MGAM: variants seen among roughly 807,000 people sequenced by gnomAD.
The protein encoded by MGAM is alpha-1,4-glucosidase.
MGAM carries 253 observed loss-of-function variants against 358.8 expected under a neutral mutation model. The ratio of observed to expected loss-of-function variants is 0.71; its 90% CI spans 0.64 to 0.78. The LOEUF is 0.78. Among genes scored for constraint, MGAM ranks in the 30% least tolerant of loss-of-function variants. The pLI, the probability that MGAM is intolerant of heterozygous loss-of-function variation, is 0.00. For synonymous variants in MGAM, 1,105 were observed against 1,227.1 expected, an observed-to-expected ratio of 0.90 and a Z score of 2.08; for missense variants, 3,080 against 3,432.6, an observed-to-expected ratio of 0.90 and a Z score of 2.57.
At chr7:142,003,721 G>C (rs1035166961) in intron 1 of MGAM, among the ~76,000 whole-genome samples, 1 of 151,810 alleles carries the variant, frequency 6.6e-6, no homozygotes, top group Non-Finnish European at 1.5e-5. Context: ...AAACTAAAAA[G>C]CTTCTGCACA....
In MGAM at chr7:142,059,895, G is replaced by C; in HGVS notation, c.3988G>C (p.Ala1330Pro). ...TGGCAATGAGACACAGCCTTATCCTGCCTTCACTCGGGGCGTGGAGGATGA... is the reference window on the plus strand; with the variant it reads ...TGGCAATGAGACACAGCCTTATCCTCCCTTCACTCGGGGCGTGGAGGATGA... ...ISGNETQPYPAFTRGVEDDVF... is the reference protein window; with the variant it reads ...ISGNETQPYPPFTRGVEDDVF... Residue 1330 changes from alanine to proline, a missense_variant, in exon 33 of 71, where the codon GCC becomes CCC. By Grantham distance (27) the Ala-to-Pro change is conservative. Around this residue, in one of 5 missense-constraint regions of MGAM, gnomAD observed 1,816 missense variants for 1,840.5 expected, o/e 0.99. Transcript: ENST00000475668. 5 of 1,611,336 alleles carry C rather than the reference G, an allele frequency of 3.1e-6. No homozygotes were observed. Among genetic ancestry groups the C allele is most frequent in the Non-Finnish European group, 4.2e-6 (5 of 1,178,820 alleles).
intron 64 of MGAM, chr7:142,095,976 A>G (rs1815870234): frequency 3.2e-6 from 2 of 623,716 alleles, no homozygotes; most frequent in Non-Finnish European, 5.5e-6. Context: ...GCAAAGGCCT[A>G]TCTATCTTTT....
In MGAM at chr7:142,086,906, T is replaced by G. The variant is rs1470898909; in HGVS notation, c.6810+189T>G. On this transcript the variant is annotated intron_variant, in intron 57 of 70. Transcript: ENST00000475668. ...AGTCATACTTTACTGGCCACTGGGA[T>G]GTAGACATGTATTATTATCCTTGGG... 3.0e-5 allele frequency among the ~76,000 whole-genome samples: 3 copies of G among 99,226 alleles called. 1 individual carries two copies. Among genetic ancestry groups the G allele is most frequent in the Non-Finnish European group, 6.6e-5 (3 of 45,222 alleles). 65.1% of individuals were successfully genotyped at this position (99,226 alleles called of 152,430 possible). A position where few individuals can be genotyped will look rare whatever the true frequency, so the allele number is the denominator to read the frequency against.
chr7:141,988,298 A>G (rs1291341958), intron 2 of MGAM, among the ~76,000 whole-genome samples: 6 of 152,158 alleles, frequency 3.9e-5, no homozygotes, highest in African/African-American at 1.4e-4. Context: ...TCTGTCTTAA[A>G]AAAAAACAAA....
intron 3 of MGAM, among the ~76,000 whole-genome samples, chr7:142,014,874 A>G (rs1805849240): frequency 6.6e-6 from 1 of 152,146 alleles, no homozygotes; most frequent in African/African-American, 2.4e-5. Flanking sequence ...ATCATTCTAC[A>G]GTAAAAAAAG....
In MGAM at chr7:142,088,988, GTATGTATGTATCTATC is replaced by G. The variant is rs1408462680; in HGVS notation, c.6810+2275_6810+2290del. ...TCTATGTATGTATGTATGTATGTAT[GTATGTATGTATCTATC>G]TATCTATCTATCTATCTATCTATCT... On this transcript the variant is annotated intron_variant, in intron 57 of 70. Coordinates refer to ENST00000475668, the MANE Select transcript of MGAM (RefSeq NM_001365693.1). Among the ~76,000 whole-genome samples the G allele has an allele frequency of 5.1e-4, 46 of 90,936 alleles. 5 individuals carry two copies. Among genetic ancestry groups the G allele is most frequent in the Non-Finnish European group, 8.1e-4 (33 of 40,514 alleles). The allele number at this position is 90,936 out of a possible 152,430, so 59.7% of individuals were successfully genotyped here. A position where few individuals can be genotyped will look rare whatever the true frequency, so the allele number is the denominator to read the frequency against.
intron 21 of MGAM, among the ~76,000 whole-genome samples, chr7:142,046,096 A>T (rs944303301): frequency 1.8e-4 from 26 of 141,554 alleles, no homozygotes; most frequent in Non-Finnish European, 3.0e-4. Flanking sequence ...ATGTGTAATT[A>T]TATATTTATT....
chr7:142,010,647 G>A (rs1490743304), intron 3 of MGAM, among the ~76,000 whole-genome samples: 2 of 152,010 alleles, frequency 1.3e-5, no homozygotes, highest in Admixed American at 6.6e-5. Context: ...TTACATGTGG[G>A]ATTAGAATTT....
intron 53 of MGAM, 49 bp from the exon 54 acceptor site, chr7:142,084,469 CA>C: frequency 6.6e-7 from 1 of 1,523,662 alleles, no homozygotes; most frequent in Non-Finnish European, 9.0e-7. Flanking sequence ...TGTAAAACTT[CA>C]ATCTGGTGTC....
At position 142,074,932 on chromosome 7, in the gene MGAM, G is replaced by A. The variant is rs996566556; in HGVS notation, c.5275+759G>A. Among the ~76,000 whole-genome samples the A allele has an allele frequency of 6.6e-4, 97 of 146,412 alleles. 4 individuals are homozygous for A. Among genetic ancestry groups the A allele is most frequent in the African/African-American group, 2.3e-3 (96 of 41,254 alleles). ...GAACACATCCATCACTACCAATGCT[G>A]CAGACTGGATCCCCAGAACTTATTC... On this transcript the variant is annotated intron_variant, in intron 45 of 70. Coordinates refer to ENST00000475668, the MANE Select transcript of MGAM (RefSeq NM_001365693.1).
chr7:142,092,590 C>G lies in MGAM; in HGVS notation c.7015C>G (p.His2339Asp). The G allele has an allele frequency of 6.5e-7, 1 of 1,543,182 alleles. No individual in the cohort carries two copies. Among genetic ancestry groups the G allele is most frequent in the Non-Finnish European group, 8.9e-7 (1 of 1,125,528 alleles). ...AGGCTGCAGGGATGCCTCTCTGAAC[C>G]ACCCTCCCTACATGCCGTGTAAGAA... ...SPGCRDASLN[H>D]PPYMPYLESR... The change falls in exon 59 of 71, where the codon CAC becomes GAC. Residue 2339 changes from histidine (H) to aspartate (D), a missense_variant. Around this residue, in one of 5 missense-constraint regions of MGAM, gnomAD observed 932 missense variants for 1,198.2 expected, o/e 0.78. Coordinates refer to ENST00000475668, the MANE Select transcript of MGAM (RefSeq NM_001365693.1).
intron 34 of MGAM, among the ~76,000 whole-genome samples, chr7:142,061,328 C>A (rs1812179772): frequency 6.6e-6 from 1 of 152,108 alleles, no homozygotes; most frequent in Admixed American, 6.5e-5. Flanking sequence ...TCTAACCCTG[C>A]CTGATCTGGA....
At chr7:142,077,809 A>G in intron 47 of MGAM, among the ~76,000 whole-genome samples, 1 of 145,762 alleles carries the variant, frequency 6.9e-6, no homozygotes, top group Admixed American at 6.9e-5. Context: ...AAAAGAAATC[A>G]TTTGTCCAAT....
At position 141,995,892 on chromosome 7, in the gene MGAM, C is replaced by T. The variant is rs1804182251; in HGVS notation, c.-41C>T. 6.6e-6 allele frequency: 1 copy of T among 152,220 alleles called. No homozygotes were observed. Among genetic ancestry groups the T allele is most frequent in the African/African-American group, 2.4e-5 (1 of 41,430 alleles). The allele number at this position is 152,220 out of a possible 1,614,324, so 9.4% of individuals were successfully genotyped here. The stretch of plus-strand genomic sequence containing the variant: ...TCCTCTGCTTTTATTGCTAAGCCAT[C>T]CTTCAGACAGAGAGGGAGCGGCTGC... On this transcript the variant is annotated 5_prime_UTR_variant, in exon 1 of 71. Coordinates refer to ENST00000475668, the MANE Select transcript of MGAM (RefSeq NM_001365693.1).
At chr7:142,062,505 A>G in intron 34 of MGAM, 63 bp from the exon 35 acceptor site, 1 of 1,529,592 alleles carries the variant, frequency 6.5e-7, no homozygotes, top group African/African-American at 1.4e-5. Flanking sequence ...CATTCTCAGT[A>G]AGTGCCTGTT....
At chr7:142,034,566 G>C (rs1456349159) in intron 15 of MGAM, 104 bp from the exon 16 acceptor site, 2 of 1,110,280 alleles carry the variant, frequency 1.8e-6, no homozygotes, top group East Asian at 2.5e-5. Context: ...AGTTGGAAGA[G>C]AATGGGTTAT....
chr7:142,075,925 C>T (rs6464459), intron 45 of MGAM, among the ~76,000 whole-genome samples: 64,383 of 144,810 alleles, frequency 0.44, 18,354 homozygotes, highest in Middle Eastern at 0.61. Context: ...CATGAATTCC[C>T]ACTTCTGGGT....
intron 66 of MGAM, 125 bp from the exon 67 acceptor site, chr7:142,099,488 G>C: frequency 1.4e-6 from 2 of 1,445,324 alleles, no homozygotes; most frequent in Non-Finnish European, 1.9e-6. Flanking sequence ...GTAATGGCAG[G>C]TATGTTGCAA....
chr7:142,040,096 T>C lies in MGAM; in HGVS notation c.2317-19T>C. On this transcript the variant is annotated intron_variant, in intron 19 of 70. Transcript: ENST00000475668. Reference sequence around the variant, plus strand: ...CCATTTTATTTCCCTCAGGGGACACTACATTTTTTTAATTTCAGGGTGCAG... The same window carrying C: ...CCATTTTATTTCCCTCAGGGGACACCACATTTTTTTAATTTCAGGGTGCAG... 1 of 1,593,774 alleles carries C rather than the reference T, an allele frequency of 6.3e-7. No homozygotes were observed. Among genetic ancestry groups the C allele is most frequent in the Non-Finnish European group, 8.6e-7 (1 of 1,163,838 alleles).
Sources: gnomAD v4.1 joint callset for allele counts (sites outside exome capture counted in the v4.1 genomes callset) on GRCh38, gnomAD v4.1.1 for gene constraint, gnomAD v4.1.1 regional missense constraint, MANE v1.5 for transcripts, NCBI Gene and HGNC (gene_info 2026-07-23, HGNC 2026-07-21) for gene names.